The following APBB1IP variants were observed in gnomAD, a reference collection of about 807,000 sequenced individuals.
APBB1IP encodes amyloid beta A4 precursor protein-binding family B member 1-interacting protein.
Under a neutral mutation model 64.9 loss-of-function variants are expected in APBB1IP, and 27 were observed. The observed-to-expected ratio is 0.42, with a 90% confidence interval of 0.31 to 0.57. APBB1IP has a LOEUF of 0.57. Among genes scored for constraint, APBB1IP ranks in the 20% least tolerant of loss-of-function variants. The pLI, the probability that APBB1IP is intolerant of heterozygous loss-of-function variation, is 0.20. For missense variants in APBB1IP, 812 were observed against 845.5 expected (o/e 0.96, Z 0.49); for synonymous variants, 392 against 331.0 (o/e 1.18, Z -2.00).
intron 13 of APBB1IP, among the ~76,000 whole-genome samples, chr10:26,561,060 C>CTTTG: frequency 9.5e-6 from 1 of 105,178 alleles, no homozygotes; most frequent in Middle Eastern, 4.9e-3. Context: ...TTCTTTCTTT[C>CTTTG]TTTCTTTTTT....
rs553320673 is a variant in APBB1IP at position 26,500,933 on chromosome 10, A to G, written c.275A>G (p.Asn92Ser). The G allele has an allele frequency of 4.2e-5, 68 of 1,614,196 alleles. No individual in the cohort carries two copies. The Admixed American group carries it at 1.1e-3, about 26-fold the overall frequency. ...CAGGCACAGAAAGAGTCCTTGCAGA[A>G]TCAACATCATTCAGCATCTCTACAA... Reference protein sequence around the residue: ...TIQAQKESLQNQHHSASLQAS... With the variant: ...TIQAQKESLQSQHHSASLQAS... The change falls in exon 5 of 15, where the codon AAT becomes AGT. Residue 92 changes from asparagine to serine, a missense_variant. Around this residue, in one of 3 missense-constraint regions of APBB1IP, gnomAD observed 394 missense variants for 413.1 expected, o/e 0.95. Transcript: ENST00000376236.
intron 2 of APBB1IP, among the ~76,000 whole-genome samples, chr10:26,486,987 G>T (rs1442956338): frequency 6.6e-6 from 1 of 152,100 alleles, no homozygotes; most frequent in Non-Finnish European, 1.5e-5. Context: ...TGATTTTGTA[G>T]TATTTCCATT....
intron 2 of APBB1IP, among the ~76,000 whole-genome samples, chr10:26,476,222 C>A (rs1256163231): frequency 6.6e-6 from 1 of 151,886 alleles, no homozygotes; most frequent in Non-Finnish European, 1.5e-5. Flanking sequence ...CCACGCCTGG[C>A]TAATTTTTAT....
At chr10:26,545,781 AC>A (rs556606945) in intron 11 of APBB1IP, among the ~76,000 whole-genome samples, 18,939 of 85,370 alleles carry the variant, frequency 0.22, 1,797 homozygotes, top group African/African-American at 0.26. Flanking sequence ...AAACAAACAA[AC>A]AAAAAAAAAC....
rs537062993 is a variant in APBB1IP at position 26,484,556 on chromosome 10, C to G, written c.1-7771C>G. Among the ~76,000 whole-genome samples, 29 of 152,304 alleles carry G rather than the reference C, an allele frequency of 1.9e-4. 1 individual carries two copies. In the South Asian group the frequency reaches 6.0e-3, roughly 32 times the overall value. On this transcript the variant is annotated intron_variant, in intron 2 of 14. Transcript: ENST00000376236. ...CTGACCTCAGGTGATCCACCTGCCTCGGCCTCACAAAGTGCTGGTATTACA... is the reference window on the plus strand; with the variant it reads ...CTGACCTCAGGTGATCCACCTGCCTGGGCCTCACAAAGTGCTGGTATTACA...
intron 2 of APBB1IP, among the ~76,000 whole-genome samples, chr10:26,459,802 C>T (rs1406611481): frequency 2.6e-5 from 4 of 152,032 alleles, no homozygotes; most frequent in African/African-American, 9.7e-5. Context: ...AATTTATTTA[C>T]ATTTTCTGGC....
At chr10:26,455,500 C>A (rs1381482390) in intron 2 of APBB1IP, among the ~76,000 whole-genome samples, 1 of 146,930 alleles carries the variant, frequency 6.8e-6, no homozygotes, top group Non-Finnish European at 1.5e-5. Context: ...TGCACTCCAG[C>A]CTGGGTGACA....
intron 2 of APBB1IP, among the ~76,000 whole-genome samples, chr10:26,472,972 T>C (rs1835737779): frequency 6.6e-6 from 1 of 151,590 alleles, no homozygotes; most frequent in Non-Finnish European, 1.5e-5. Flanking sequence ...GATAACAGCA[T>C]ACAGTTATTC....
rs763593686 is a variant in APBB1IP at position 26,503,281 on chromosome 10, C to T, written c.531+7C>T. On this transcript the variant is annotated splice_region_variant and intron_variant, in intron 6 of 14. Coordinates refer to ENST00000376236, the MANE Select transcript of APBB1IP (RefSeq NM_019043.4). ...GGAGGCCAAGGTTAAGAAGGTGAATCATGAATCCCTTTTGCATGGGGGCAG... is the reference window on the plus strand; with the variant it reads ...GGAGGCCAAGGTTAAGAAGGTGAATTATGAATCCCTTTTGCATGGGGGCAG... 1.3e-5 allele frequency: 21 copies of T among 1,613,848 alleles called. No individual in the cohort carries two copies. The East Asian group carries it at 4.7e-4, about 36-fold the overall frequency.
chr10:26,557,997 G>A (rs745326917), intron 11 of APBB1IP, among the ~76,000 whole-genome samples: 2 of 152,114 alleles, frequency 1.3e-5, no homozygotes, highest in Non-Finnish European at 2.9e-5. Flanking sequence ...CAACTGAAGA[G>A]CAGATAGATG....
chr10:26,556,657 CA>C (rs1836898346), intron 11 of APBB1IP, among the ~76,000 whole-genome samples: 1 of 152,168 alleles, frequency 6.6e-6, no homozygotes, highest in South Asian at 2.1e-4. Flanking sequence ...TCTATATAAG[CA>C]GTTGCTTTGT....
At chr10:26,527,517 T>A (rs1836489214) in intron 8 of APBB1IP, among the ~76,000 whole-genome samples, 1 of 145,902 alleles carries the variant, frequency 6.9e-6, no homozygotes, top group African/African-American at 2.6e-5. Flanking sequence ...CACTCCAGCC[T>A]GGGCAACAGA....
chr10:26,492,348 A>G lies in APBB1IP; in HGVS notation c.22A>G (p.Ile8Val). MGESSED[I>V]DQMFSTLLGE... ...TCAGATGGGTGAGTCAAGTGAAGAC[A>G]TAGACCAAATGTTCAGCACTTTGCT... Residue 8 changes from isoleucine (I) to valine (V), a missense_variant, in exon 3 of 15, where the codon ATA becomes GTA. Physicochemically the swap from Ile to Val is conservative, Grantham distance 29. Transcript: ENST00000376236. The G allele has an allele frequency of 1.9e-6, 3 of 1,614,108 alleles. No homozygotes were observed. The highest frequency in any genetic ancestry group is 2.5e-6 in the Non-Finnish European group (3 of 1,179,974).
chr10:26,497,255 TATA>T (rs1339681660), intron 4 of APBB1IP, among the ~76,000 whole-genome samples: 1 of 152,058 alleles, frequency 6.6e-6, no homozygotes, highest in African/African-American at 2.4e-5. Flanking sequence ...CTATTCATAT[TATA>T]ATAAGTCTTG....
At chr10:26,547,567 G>A (rs566447642) in intron 11 of APBB1IP, among the ~76,000 whole-genome samples, 27 of 152,108 alleles carry the variant, frequency 1.8e-4, no homozygotes, top group South Asian at 8.3e-4. Flanking sequence ...TCAGCCTCCC[G>A]AGTAGCTGGG....
chr10:26,516,822 G>C (rs1836337305), intron 8 of APBB1IP, among the ~76,000 whole-genome samples: 1 of 152,130 alleles, frequency 6.6e-6, no homozygotes, highest in Non-Finnish European at 1.5e-5. Context: ...TATTCCTTTT[G>C]GCAGCGTGAA....
intron 6 of APBB1IP, among the ~76,000 whole-genome samples, chr10:26,505,882 C>T (rs1764847465): frequency 6.6e-6 from 1 of 152,114 alleles, no homozygotes; most frequent in African/African-American, 2.4e-5. Context: ...GATGTCTGAC[C>T]ATCTCACACG....
At chr10:26,526,524 T>C (rs957983540) in intron 8 of APBB1IP, among the ~76,000 whole-genome samples, 13 of 151,978 alleles carry the variant, frequency 8.6e-5, no homozygotes, top group African/African-American at 3.1e-4. Context: ...ATCAAGACCA[T>C]CCTGGCCAAC....
intron 2 of APBB1IP, among the ~76,000 whole-genome samples, chr10:26,474,822 T>C (rs1055973316): frequency 1.3e-5 from 2 of 152,250 alleles, no homozygotes; most frequent in African/African-American, 4.8e-5. Flanking sequence ...AAGTTCCACT[T>C]CAGCCTGTTT....
Sources: allele counts gnomAD v4.1 joint callset (sites outside exome capture counted in the v4.1 genomes callset), GRCh38; gene constraint gnomAD v4.1.1; regional missense constraint gnomAD v4.1.1; transcripts MANE v1.5; gene names NCBI Gene and HGNC (gene_info 2026-07-23, HGNC 2026-07-21).